Variants in NBEA observed in about 807,000 individuals in gnomAD.
The protein encoded by NBEA is neurobeachin, also known as lysosomal-trafficking regulator 2.
NBEA carries 44 observed loss-of-function variants against 343.4 expected under a neutral mutation model. The observed-to-expected ratio is 0.13, with a 90% CI of 0.10 to 0.16. The LOEUF (loss-of-function observed/expected upper bound fraction) is 0.16. NBEA is among the 10% of genes least tolerant of loss of function. NBEA has a pLI of 1.00. For missense variants in NBEA, 2,555 were observed against 3,631.3 expected (o/e 0.70, Z 7.62); for synonymous variants, 1,175 against 1,238.7 (o/e 0.95, Z 1.08).
At position 35,069,919 on chromosome 13, in the gene NBEA, G is replaced by A; in HGVS notation, c.1251G>A (p.Lys417=). The A allele has an allele frequency of 1.3e-6, 2 of 1,578,690 alleles. No individual in the cohort carries two copies. The highest frequency in any genetic ancestry group is 1.4e-5 in the African/African-American group (1 of 73,766). ...TTTTATTTTTTCAGAGTACCTTCAA[G>A]TTTAAATCTGAGAGTGATATTCATT... ...QLGPGYKSTF[K]FKSESDIHLA... The change falls in exon 9 of 59, where the codon AAG becomes AAA. Residue 417 remains lysine (K), a synonymous_variant. Transcript: ENST00000379939.
chr13:34,975,408 A>G (rs1287780406), intron 1 of NBEA, among the ~76,000 whole-genome samples: 1 of 152,202 alleles, frequency 6.6e-6, no homozygotes, highest in Non-Finnish European at 1.5e-5. Flanking sequence ...GACAAGCCAC[A>G]TGTAGAAGAA....
chr13:35,417,722 G>A (rs1440638329), intron 38 of NBEA, among the ~76,000 whole-genome samples: 1 of 152,124 alleles, frequency 6.6e-6, no homozygotes, highest in Admixed American at 6.6e-5. Context: ...GTTGATGTGG[G>A]GTGGAGGTTC....
chr13:35,159,877 G>A lies in NBEA; in HGVS notation c.3706G>A (p.Glu1236Lys). ...ATCAACTAAGGGGCTGGAGTATGCT[G>A]AAATGACTGCTACAACTCTGGAAAC... ...ASSTKGLEYA[E>K]MTATTLETES... Residue 1236 changes from glutamate (E) to lysine (K), a missense_variant, in exon 22 of 59, where the codon GAA becomes AAA. Glu to Lys is a moderately conservative substitution (Grantham distance 56, BLOSUM62 1). Around this residue, in one of 21 missense-constraint regions of NBEA, gnomAD observed 367 missense variants for 377.5 expected, o/e 0.97. Transcript: ENST00000379939. 1 of 1,603,216 alleles carries A rather than the reference G, an allele frequency of 6.2e-7. No individual in the cohort carries two copies. Among genetic ancestry groups the A allele is most frequent in the Non-Finnish European group, 8.5e-7 (1 of 1,174,296 alleles).
chr13:35,511,019 A>G (rs149666451), intron 41 of NBEA, among the ~76,000 whole-genome samples: 1 of 152,316 alleles, frequency 6.6e-6, no homozygotes, highest in Non-Finnish European at 1.5e-5. Flanking sequence ...AAACATGAAA[A>G]TAATAAAATA....
chr13:35,435,565 A>T (rs1309537270), intron 39 of NBEA, among the ~76,000 whole-genome samples: 1 of 152,078 alleles, frequency 6.6e-6, no homozygotes, highest in Non-Finnish European at 1.5e-5. Flanking sequence ...GGGGGCGTGT[A>T]GATGTTTGTT....
At chr13:35,213,111 A>G (rs899270859) in intron 33 of NBEA, among the ~76,000 whole-genome samples, 13 of 151,822 alleles carry the variant, frequency 8.6e-5, no homozygotes, top group African/African-American at 3.1e-4. Flanking sequence ...TGGCTGCTTT[A>G]TTCTTTGCTT....
intron 18 of NBEA, among the ~76,000 whole-genome samples, chr13:35,155,511 G>C (rs1053053287): frequency 1.2e-4 from 18 of 152,264 alleles, no homozygotes; most frequent in Admixed American, 2.0e-4. Context: ...TGTAATCCCA[G>C]CTATTTGGGA....
rs763108144 is a variant in NBEA at position 35,606,565 on chromosome 13, G to A, written c.7436G>A (p.Arg2479Gln). 8.1e-6 allele frequency: 13 copies of A among 1,599,568 alleles called. No individual in the cohort carries two copies. Among genetic ancestry groups the A allele is most frequent in the Admixed American group, 3.4e-5 (2 of 59,208 alleles). The change falls in exon 48 of 59, where the codon CGG (arginine) becomes CAG (glutamine). Residue 2479 changes from arginine (R) to glutamine (Q), a missense_variant. Physicochemically the swap from Arg to Gln is conservative, Grantham distance 43 (BLOSUM62 1). This residue lies in a region of NBEA where 156 missense variants were observed against 185.8 expected (regional missense o/e 0.84). Coordinates refer to ENST00000379939, the MANE Select transcript of NBEA (RefSeq NM_001385012.1). ...PWAKKPEDFV[R>Q]INRMALESEF... ...GCAAAAAAACCTGAAGACTTTGTGC[G>A]GATCAACAGGATGGTAAGAGAGATT...
intron 46 of NBEA, 50 bp downstream of exon 46, chr13:35,584,088 C>G (rs766764242): frequency 6.7e-7 from 1 of 1,495,378 alleles, no homozygotes; most frequent in African/African-American, 1.4e-5. Flanking sequence ...AAAATTTTAA[C>G]ATAAGTAAAT....
chr13:35,412,011 C>G (rs2043617275), intron 38 of NBEA, among the ~76,000 whole-genome samples: 1 of 152,026 alleles, frequency 6.6e-6, no homozygotes, highest in African/African-American at 2.4e-5. Flanking sequence ...GGGTTTTGTT[C>G]AAACTGATGT....
chr13:35,304,329 C>CTG (rs1231385444), intron 35 of NBEA, among the ~76,000 whole-genome samples: 5 of 141,372 alleles, frequency 3.5e-5, no homozygotes, highest in African/African-American at 1.1e-4. Context: ...AAAAGCAATT[C>CTG]TCTGTGTGTG....
At chr13:35,142,589 C>T (rs933035631) in intron 18 of NBEA, among the ~76,000 whole-genome samples, 3 of 152,100 alleles carry the variant, frequency 2.0e-5, no homozygotes, top group African/African-American at 7.2e-5. Context: ...TTATGTCGAT[C>T]CAAGAGCTTT....
chr13:35,109,507 A>G (rs759024975), intron 12 of NBEA, 65 bp downstream of exon 12: 31 of 1,365,602 alleles, frequency 2.3e-5, no homozygotes, highest in South Asian at 7.1e-5. Context: ...TGCTGGATCT[A>G]TAGTATTCAG....
At chr13:35,264,264 A>G (rs562712997) in intron 34 of NBEA, among the ~76,000 whole-genome samples, 46 of 152,084 alleles carry the variant, frequency 3.0e-4, no homozygotes, top group African/African-American at 1.0e-3. Context: ...AATTAGTAAT[A>G]AAACATCTCC....
chr13:35,304,145 C>A (rs1317301726), intron 35 of NBEA, among the ~76,000 whole-genome samples: 1 of 152,142 alleles, frequency 6.6e-6, no homozygotes, highest in Non-Finnish European at 1.5e-5. Context: ...GTTTAATATT[C>A]TCTTCGACAA....
intron 34 of NBEA, among the ~76,000 whole-genome samples, chr13:35,281,381 C>T (rs2035040705): frequency 6.6e-6 from 1 of 152,030 alleles, no homozygotes; most frequent in Admixed American, 6.6e-5. Context: ...TTGCTTTGAG[C>T]ACAAATAAGG....
chr13:35,520,582 A>G (rs1472295309), intron 41 of NBEA, among the ~76,000 whole-genome samples: 1 of 152,168 alleles, frequency 6.6e-6, no homozygotes, highest in African/African-American at 2.4e-5. Flanking sequence ...CAAGGACGTC[A>G]TGCCACAGAA....
intron 41 of NBEA, among the ~76,000 whole-genome samples, chr13:35,472,778 A>G (rs1365174518): frequency 6.6e-6 from 1 of 152,196 alleles, no homozygotes; most frequent in Non-Finnish European, 1.5e-5. Context: ...CTTTGTTTGC[A>G]TTTGGGCAGA....
chr13:35,021,764 A>G (rs1465043896), intron 1 of NBEA, among the ~76,000 whole-genome samples: 2 of 152,210 alleles, frequency 1.3e-5, no homozygotes, highest in African/African-American at 2.4e-5. Flanking sequence ...TTCTCCCGCC[A>G]TGTCCTTTGT....
Sources: allele counts gnomAD v4.1 joint callset (sites outside exome capture counted in the v4.1 genomes callset), GRCh38; gene constraint gnomAD v4.1.1; regional missense constraint gnomAD v4.1.1; transcripts MANE v1.5; gene names NCBI Gene and HGNC (gene_info 2026-07-23, HGNC 2026-07-21).